Variants in CC2D2A observed in about 807,000 individuals in gnomAD.
CC2D2A encodes the protein coiled-coil and C2 domain-containing protein 2A.
Under a neutral mutation model 212.9 loss-of-function variants are expected in CC2D2A, and 155 were observed. The ratio of observed to expected loss-of-function variants is 0.73; its 90% confidence interval spans 0.64 to 0.83. The LOEUF is 0.83. CC2D2A is among the 40% of genes least tolerant of loss of function. CC2D2A has a pLI of 0.00. For synonymous variants in CC2D2A, 667 were observed against 686.5 expected, an observed-to-expected ratio of 0.97 and a Z score of 0.44; for missense variants, 1,856 against 1,956.2, an observed-to-expected ratio of 0.95 and a Z score of 0.97.
Position 15,580,066 on chromosome 4 carries a change from A to G in CC2D2A, c.3870A>G (p.Val1290=), listed in dbSNP as rs1169769813. 6.2e-7 allele frequency: 1 copy of G among 1,613,814 alleles called. No individual in the cohort carries two copies. The highest frequency in any genetic ancestry group is 2.2e-5 in the East Asian group (1 of 44,874). Residue 1290 remains valine (V), a synonymous_variant, in exon 30 of 37, where the codon GTA becomes GTG. Transcript: ENST00000424120. ...KFPNRQCLTT[V]IDISGKTVFI... ...CAAATCGTCAGTGCCTTACAACAGTAATTGATATAAGCGGAAAAACTGTTT... is the reference window on the plus strand; with the variant it reads ...CAAATCGTCAGTGCCTTACAACAGTGATTGATATAAGCGGAAAAACTGTTT...
intron 6 of CC2D2A, 52 bp from the exon 7 acceptor site, chr4:15,510,087 C>T (rs1320969798): frequency 6.3e-5 from 88 of 1,386,116 alleles, no homozygotes; most frequent in Non-Finnish European, 8.9e-5. Context: ...TTAGAACAGC[C>T]TAAGTTTCTT....
At chr4:15,507,397 T>C (rs900978471) in intron 6 of CC2D2A, among the ~76,000 whole-genome samples, 8 of 152,220 alleles carry the variant, frequency 5.3e-5, no homozygotes, top group Non-Finnish European at 1.0e-4. Context: ...ACTGGACATC[T>C]AGCTGCACCT....
At position 15,500,101 on chromosome 4, in the gene CC2D2A, G is replaced by GTATATATATATATATATA. The variant is rs1222191394; in HGVS notation, c.248-2327_248-2326insATATATATATATATATAT. 1.3e-4 allele frequency among the ~76,000 whole-genome samples: 9 copies of GTATATATATATATATATA among 71,116 alleles called. No homozygotes were observed. In the South Asian group the frequency reaches 2.1e-3, roughly 16 times the overall value. The allele number at this position is 71,116 out of a possible 152,430, so 46.7% of individuals were successfully genotyped here. ...TGTGTGTGTGTGTGTGTGTGTGTGTGTGTGTGTATATATATATATATATAT... is the reference window on the plus strand; with the variant it reads ...TGTGTGTGTGTGTGTGTGTGTGTGTGTATATATATATATATATATGTGTGTATATATATATATATATAT... On this transcript the variant is annotated intron_variant, in intron 4 of 36. Coordinates refer to ENST00000424120, the MANE Select transcript of CC2D2A (RefSeq NM_001378615.1).
intron 28 of CC2D2A, among the ~76,000 whole-genome samples, chr4:15,572,992 CCA>C (rs1169095696): frequency 6.6e-6 from 1 of 152,190 alleles, no homozygotes; most frequent in Non-Finnish European, 1.5e-5. Flanking sequence ...TCTAGTCCTT[CCA>C]CATTCTTCTG....
intron 33 of CC2D2A, among the ~76,000 whole-genome samples, chr4:15,594,985 A>AT (rs111231115): frequency 2.7e-5 from 4 of 146,990 alleles, no homozygotes; most frequent in South Asian, 2.1e-4. Flanking sequence ...AAAAAAAAAA[A>AT]TTTTTTTTTA....
At chr4:15,570,254 T>C (rs1326468453) in intron 27 of CC2D2A, 144 bp from the exon 28 acceptor site, 2 of 492,656 alleles carry the variant, frequency 4.1e-6, no homozygotes, top group East Asian at 6.1e-5. Flanking sequence ...AAAGCCATTA[T>C]GTATCTGTAC....
intron 11 of CC2D2A, among the ~76,000 whole-genome samples, chr4:15,518,918 AG>A (rs1232208740): frequency 6.6e-6 from 1 of 152,164 alleles, no homozygotes; most frequent in Non-Finnish European, 1.5e-5. Context: ...CTGTGATGGG[AG>A]GGGATGCTTT....
At position 15,499,397 on chromosome 4, in the gene CC2D2A, T is replaced by A. The variant is rs114997797; in HGVS notation, c.248-3032T>A. On this transcript the variant is annotated intron_variant, in intron 4 of 36. Coordinates refer to ENST00000424120, the MANE Select transcript of CC2D2A (RefSeq NM_001378615.1). Reference sequence around the variant, plus strand: ...GAAGTCTCTGCAACTTCCCCTCAACTTTTTTGTGGGTCCTAAAACTACTCT... The same window carrying A: ...GAAGTCTCTGCAACTTCCCCTCAACATTTTTGTGGGTCCTAAAACTACTCT... 7.1e-3 allele frequency among the ~76,000 whole-genome samples: 1,088 copies of A among 152,292 alleles called. 16 individuals are homozygous for A. Among genetic ancestry groups the A allele is most frequent in the African/African-American group, 0.025 (1,035 of 41,556 alleles).
intron 4 of CC2D2A, among the ~76,000 whole-genome samples, chr4:15,500,500 A>G (rs1187135183): frequency 6.6e-6 from 1 of 152,158 alleles, no homozygotes; most frequent in Non-Finnish European, 1.5e-5. Flanking sequence ...GATTCTCTTA[A>G]AGAACTTTGA....
At chr4:15,569,489 C>G (rs1720058890) in intron 27 of CC2D2A, 100 bp downstream of exon 27, 5 of 684,688 alleles carry the variant, frequency 7.3e-6, no homozygotes, top group Non-Finnish European at 1.3e-5. Flanking sequence ...GGGTCCCGAT[C>G]TAGATCCTTT....
intron 13 of CC2D2A, among the ~76,000 whole-genome samples, chr4:15,530,102 G>A (rs942475959): frequency 2.0e-5 from 3 of 151,444 alleles, no homozygotes; most frequent in African/African-American, 7.3e-5. Context: ...CTCCCGAGTA[G>A]CTGGGACTAC....
chr4:15,579,888 G>T lies in CC2D2A; in HGVS notation c.3772-80G>T. On this transcript the variant is annotated intron_variant, in intron 29 of 36. Coordinates refer to ENST00000424120, the MANE Select transcript of CC2D2A (RefSeq NM_001378615.1). The stretch of plus-strand genomic sequence containing the variant: ...CATATTCCCAAACCATACATTTCCT[G>T]CATGTTGACTGTGGAATCTGAACAC... 7 of 1,098,224 alleles carry T rather than the reference G, an allele frequency of 6.4e-6. No individual in the cohort carries two copies. The East Asian group carries it at 1.7e-4, about 26-fold the overall frequency. 68.0% of individuals were successfully genotyped at this position (1,098,224 alleles called of 1,614,324 possible). A position where few individuals can be genotyped will look rare whatever the true frequency, so the allele number is the denominator to read the frequency against.
intron 2 of CC2D2A, among the ~76,000 whole-genome samples, 186 bp from the exon 3 acceptor site, chr4:15,478,537 C>T (rs944357388): frequency 3.3e-5 from 5 of 152,154 alleles, no homozygotes; most frequent in Non-Finnish European, 5.9e-5. Flanking sequence ...TACGACTTTT[C>T]GAAAACATGT....
At chr4:15,592,327 C>T (rs1560197728) in intron 33 of CC2D2A, among the ~76,000 whole-genome samples, 1 of 152,198 alleles carries the variant, frequency 6.6e-6, no homozygotes, top group Non-Finnish European at 1.5e-5. Context: ...CCAAGTTCTT[C>T]AAATACTAGT....
intron 17 of CC2D2A, among the ~76,000 whole-genome samples, chr4:15,543,055 A>T (rs565821230): frequency 4.9e-4 from 75 of 152,262 alleles, no homozygotes; most frequent in African/African-American, 1.7e-3. Flanking sequence ...GCCTTGGCTT[A>T]GAATTCCTTC....
intron 4 of CC2D2A, among the ~76,000 whole-genome samples, chr4:15,500,547 A>G (rs1219766982): frequency 1.3e-5 from 2 of 152,202 alleles, no homozygotes; most frequent in Non-Finnish European, 2.9e-5. Context: ...AATCATTACC[A>G]TAAATATTTC....
chr4:15,583,953 A>C, intron 30 of CC2D2A, among the ~76,000 whole-genome samples: 1 of 143,108 alleles, frequency 7.0e-6, no homozygotes, highest in Non-Finnish European at 1.5e-5. Context: ...TCCATCTCAA[A>C]AAAAAAAAAA....
intron 7 of CC2D2A, among the ~76,000 whole-genome samples, chr4:15,510,476 G>A (rs1716509739): frequency 6.6e-6 from 1 of 152,140 alleles, no homozygotes; most frequent in Non-Finnish European, 1.5e-5. Context: ...CACACCTGTG[G>A]TCCAAGCTAC....
intron 4 of CC2D2A, 42 bp from the exon 5 acceptor site, chr4:15,502,387 C>CTTTT: frequency 7.9e-7 from 1 of 1,259,650 alleles, no homozygotes; most frequent in Non-Finnish European, 1.1e-6. Context: ...TTTTCTTTTT[C>CTTTT]TTTTTTTTTT....
Sources: allele counts gnomAD v4.1 joint callset (sites outside exome capture counted in the v4.1 genomes callset), GRCh38; gene constraint gnomAD v4.1.1; transcripts MANE v1.5; gene names NCBI Gene and HGNC (gene_info 2026-07-23, HGNC 2026-07-21).